Variants in MPDZ observed in about 807,000 individuals in gnomAD.
MPDZ encodes multiple PDZ domain crumbs cell polarity complex component, also known as multiple PDZ domain protein.
In MPDZ, 234 loss-of-function variants were observed where a neutral mutation model predicts 239.1. That is an observed-to-expected ratio of 0.98 (90% CI 0.88 to 1.09). The LOEUF is 1.09. MPDZ is among the 50% of genes least tolerant of loss of function. The pLI is 0.00. For synonymous variants in MPDZ, 1,048 were observed against 881.3 expected, an observed-to-expected ratio of 1.19 and a Z score of -3.35; for missense variants, 3,175 against 2,510.0, an observed-to-expected ratio of 1.26 and a Z score of -5.66.
intron 22 of MPDZ, among the ~76,000 whole-genome samples, chr9:13,163,609 A>T (rs945530569): frequency 6.6e-6 from 1 of 152,168 alleles, no homozygotes; most frequent in African/African-American, 2.4e-5. Context: ...TTTAAAGTAA[A>T]CTGTTTCAAG....
chr9:13,215,758 T>TG (rs1045036740), intron 10 of MPDZ, among the ~76,000 whole-genome samples: 4 of 134,084 alleles, frequency 3.0e-5, no homozygotes, highest in African/African-American at 8.3e-5. Flanking sequence ...TGCAGGTTTT[T>TG]TTTTTTTTTT....
intron 13 of MPDZ, among the ~76,000 whole-genome samples, chr9:13,195,261 C>A (rs1239873004): frequency 6.6e-6 from 1 of 152,142 alleles, no homozygotes; most frequent in African/African-American, 2.4e-5. Flanking sequence ...GCACTCCAGC[C>A]TGGGTGACAG....
At chr9:13,166,640 T>A (rs1265036546) in intron 22 of MPDZ, among the ~76,000 whole-genome samples, 1 of 152,036 alleles carries the variant, frequency 6.6e-6, no homozygotes, top group Non-Finnish European at 1.5e-5. Context: ...TAAAATAATT[T>A]AAGATTCTAT....
At chr9:13,265,802 G>C (rs1971667248) in intron 1 of MPDZ, among the ~76,000 whole-genome samples, 1 of 152,148 alleles carries the variant, frequency 6.6e-6, no homozygotes. Flanking sequence ...TTGTGACTGA[G>C]TGGCTCCTCA....
intron 1 of MPDZ, among the ~76,000 whole-genome samples, chr9:13,255,910 T>C (rs1969320535): frequency 6.6e-6 from 1 of 152,212 alleles, no homozygotes; most frequent in Admixed American, 6.5e-5. Flanking sequence ...TCTTTAAAGC[T>C]TTGAAGCCAG....
chr9:13,147,734 G>C (rs1429659443), intron 25 of MPDZ, 76 bp from the exon 26 acceptor site: 5 of 1,082,992 alleles, frequency 4.6e-6, no homozygotes, highest in South Asian at 4.3e-5. Flanking sequence ...TGGAGTTTTA[G>C]GGATACTTGG....
chr9:13,219,933 A>C (rs964619084), intron 7 of MPDZ, among the ~76,000 whole-genome samples, 165 bp from the exon 8 acceptor site: 2 of 151,990 alleles, frequency 1.3e-5, no homozygotes, highest in African/African-American at 4.8e-5. Context: ...GAAACATCCT[A>C]ACATCATTCA....
At chr9:13,171,555 A>G (rs1357774340) in intron 21 of MPDZ, among the ~76,000 whole-genome samples, 2 of 152,138 alleles carry the variant, frequency 1.3e-5, no homozygotes, top group Admixed American at 6.5e-5. Context: ...TTGTTTTTTT[A>G]CCTTCAAGTC....
chr9:13,134,679 TTC>T (rs1333569268), intron 31 of MPDZ: 3 of 152,202 alleles, frequency 2.0e-5, no homozygotes, highest in African/African-American at 4.8e-5. Flanking sequence ...ACTCTCCCAA[TTC>T]TCTGTCACCC....
chr9:13,109,344 A>G (rs1351926567), intron 45 of MPDZ, among the ~76,000 whole-genome samples: 2 of 152,148 alleles, frequency 1.3e-5, no homozygotes, highest in African/African-American at 2.4e-5. Context: ...TGTACAGAGA[A>G]GCTCATTCTT....
At chr9:13,173,080 C>T (rs1951994368) in intron 21 of MPDZ, among the ~76,000 whole-genome samples, 1 of 152,032 alleles carries the variant, frequency 6.6e-6, no homozygotes, top group Non-Finnish European at 1.5e-5. Context: ...TTCATAGAGA[C>T]AGAAAAATGA....
At chr9:13,213,594 G>A (rs1030082028) in intron 10 of MPDZ, among the ~76,000 whole-genome samples, 2 of 152,060 alleles carry the variant, frequency 1.3e-5, no homozygotes, top group African/African-American at 4.8e-5. Flanking sequence ...ATTGCATGAT[G>A]TTCTCCAGGA....
chr9:13,210,339 G>C (rs754068696), intron 10 of MPDZ, among the ~76,000 whole-genome samples: 1 of 151,764 alleles, frequency 6.6e-6, no homozygotes, highest in Non-Finnish European at 1.5e-5. Context: ...ATTTAAACTA[G>C]GTGGTAAAGA....
At chr9:13,244,483 C>A (rs1013989659) in intron 3 of MPDZ, among the ~76,000 whole-genome samples, 1 of 152,086 alleles carries the variant, frequency 6.6e-6, no homozygotes, top group Non-Finnish European at 1.5e-5. Context: ...TGAACCAGAG[C>A]TATTAGAGAT....
chr9:13,262,602 T>C (rs1970946707), intron 1 of MPDZ, among the ~76,000 whole-genome samples: 1 of 150,266 alleles, frequency 6.7e-6, no homozygotes, highest in South Asian at 2.1e-4. Context: ...ATATAATATA[T>C]ACACCAAGAT....
intron 14 of MPDZ, 103 bp downstream of exon 14, chr9:13,193,064 T>C (rs1008614449): frequency 3.6e-6 from 4 of 1,125,340 alleles, no homozygotes; most frequent in Admixed American, 6.9e-5. Flanking sequence ...CAAGTCCCCT[T>C]TGGAGGGGAA....
chr9:13,107,226 C>T (rs1941609413), intron 46 of MPDZ, 115 bp from the exon 47 acceptor site: 6 of 1,084,480 alleles, frequency 5.5e-6, no homozygotes, highest in Admixed American at 2.3e-5. Flanking sequence ...ACACACTGCT[C>T]CCAGTGCTCC....
At position 13,139,987 on chromosome 9, in the gene MPDZ, T is replaced by A. The variant is rs1587149916; in HGVS notation, c.4003A>T (p.Lys1335Ter). The part of the protein sequence containing the change: ...DKEDEFGYSW[K>*]NIRERYGTLT... ...AATGCATCACAAAAACACAACTTAC[T>A]CCAGCTGTAACCAAACTCATCCTCT... The change falls in exon 28 of 47, where the codon AAA (lysine) becomes TAA (stop). Residue 1335 changes from lysine (K) to a stop codon, truncating the protein, a stop_gained and splice_region_variant. Transcript: ENST00000319217. LOFTEE classifies it high-confidence loss of function. The A allele has an allele frequency of 1.2e-6, 2 of 1,613,282 alleles. No homozygotes were observed. The highest frequency in any genetic ancestry group is 1.7e-6 in the Non-Finnish European group (2 of 1,179,554).
rs1448110312 is a variant in MPDZ, at chr9:13,279,395, C to T, written c.-58+5G>A. The T allele has an allele frequency of 6.8e-6, 1 of 146,484 alleles. No individual in the cohort carries two copies. Among genetic ancestry groups the T allele is most frequent in the Non-Finnish European group, 1.5e-5 (1 of 66,002 alleles). 9.1% of individuals were successfully genotyped at this position (146,484 alleles called of 1,614,324 possible). ...CCTCTGGGCCGGGGCTCAAGCGCCG[C>T]TTACCCGGCTCGCGGCGCCCGCCCA... is the stretch of plus-strand genomic sequence containing the variant. On this transcript the variant is annotated splice_donor_5th_base_variant and intron_variant, in intron 1 of 46. Transcript: ENST00000319217.
Sources: allele counts gnomAD v4.1 joint callset (sites outside exome capture counted in the v4.1 genomes callset), GRCh38; gene constraint gnomAD v4.1.1; transcripts MANE v1.5; gene names NCBI Gene and HGNC (gene_info 2026-07-23, HGNC 2026-07-21).